CTNNA2: variants seen among roughly 807,000 people sequenced by gnomAD.
The protein encoded by CTNNA2 is catenin alpha-2.
A neutral mutation model predicts 101.0 loss-of-function variants in CTNNA2; 42 were observed. The ratio of observed to expected loss-of-function variants is 0.42; its 90% CI spans 0.32 to 0.54. CTNNA2 has a LOEUF of 0.54. Ranked by LOEUF, CTNNA2 falls within the 20% of genes least tolerant of loss-of-function variation. The probability of loss-of-function intolerance (pLI) is 0.14; values close to 1 mark genes in which losing one functional copy is unlikely to be tolerated. For synonymous variants in CTNNA2, 450 were observed against 456.4 expected, an observed-to-expected ratio of 0.99 and a Z score of 0.18; for missense variants, 871 against 1,223.1, an observed-to-expected ratio of 0.71 and a Z score of 4.29.
intron 7 of CTNNA2, among the ~76,000 whole-genome samples, chr2:80,213,826 C>G (rs1708070577): frequency 1.3e-5 from 2 of 152,024 alleles, no homozygotes; most frequent in South Asian, 4.2e-4. Context: ...TTAAAGTCTC[C>G]CATTATTATT....
At chr2:79,467,888 T>C (rs898635457) in intron 4 of CTNNA2, among the ~76,000 whole-genome samples, 9 of 152,060 alleles carry the variant, frequency 5.9e-5, no homozygotes, top group Non-Finnish European at 1.0e-4. Context: ...GCACTAAACA[T>C]GGAAAGGAAC....
chr2:79,247,124 A>T (rs1401774756), intron 2 of CTNNA2, among the ~76,000 whole-genome samples: 1 of 152,222 alleles, frequency 6.6e-6, no homozygotes, highest in East Asian at 1.9e-4. Flanking sequence ...CCACTTGTGG[A>T]TGTGGGAGGA....
intron 12 of CTNNA2, among the ~76,000 whole-genome samples, chr2:80,563,746 C>A (rs1323755837): frequency 6.6e-6 from 1 of 152,104 alleles, no homozygotes; most frequent in East Asian, 1.9e-4. Context: ...CAGTGAAGTC[C>A]CCTTTCTAAC....
intron 2 of CTNNA2, among the ~76,000 whole-genome samples, chr2:79,677,680 T>G (rs952681378): frequency 2.0e-5 from 3 of 152,194 alleles, no homozygotes; most frequent in African/African-American, 7.2e-5. Context: ...TTAAAGGAAC[T>G]TTGGAGATGA....
intron 3 of CTNNA2, among the ~76,000 whole-genome samples, chr2:79,845,907 TG>T (rs1680196106): frequency 6.6e-6 from 1 of 152,188 alleles, no homozygotes; most frequent in Admixed American, 6.5e-5. Context: ...GGTGGTGACG[TG>T]GGGACCTCCC....
chr2:80,174,005 T>G (rs1705239091), intron 7 of CTNNA2, among the ~76,000 whole-genome samples: 1 of 152,160 alleles, frequency 6.6e-6, no homozygotes, highest in South Asian at 2.1e-4. Flanking sequence ...AAGGATCCAT[T>G]CCACTATTGC....
chr2:79,384,938 A>C (rs10171522), intron 4 of CTNNA2, among the ~76,000 whole-genome samples: 57,449 of 152,074 alleles, frequency 0.38, 11,491 homozygotes, highest in Non-Finnish European at 0.45. Context: ...CAACATTAGT[A>C]CTAAAACAGG....
At chr2:80,395,661 T>C (rs1451162996) in intron 8 of CTNNA2, among the ~76,000 whole-genome samples, 4 of 152,218 alleles carry the variant, frequency 2.6e-5, no homozygotes, top group East Asian at 1.9e-4. Context: ...CCTGGGTCTC[T>C]GATAGCCCCT....
At chr2:79,911,125 G>A (rs1416364093) in intron 7 of CTNNA2, among the ~76,000 whole-genome samples, 6 of 152,112 alleles carry the variant, frequency 3.9e-5, no homozygotes, top group African/African-American at 9.7e-5. Context: ...TTTGATCCAT[G>A]GTATTACGTA....
chr2:79,945,914 C>G (rs537142350), intron 7 of CTNNA2, among the ~76,000 whole-genome samples: 1 of 152,040 alleles, frequency 6.6e-6, no homozygotes. Context: ...GCTGCACACA[C>G]GGTGCTATGG....
chr2:80,021,759 T>G (rs1435340923), intron 7 of CTNNA2, among the ~76,000 whole-genome samples: 1 of 152,130 alleles, frequency 6.6e-6, no homozygotes, highest in Non-Finnish European at 1.5e-5. Context: ...ACTCAGCAAT[T>G]TTCAAGTATA....
chr2:80,208,861 T>C (rs2149031325), intron 7 of CTNNA2, among the ~76,000 whole-genome samples: 2 of 152,290 alleles, frequency 1.3e-5, no homozygotes, highest in Admixed American at 1.3e-4. Context: ...GCCCCTGATG[T>C]TAATTGAAAT....
chr2:80,625,561 C>T (rs1368605166), intron 18 of CTNNA2, among the ~76,000 whole-genome samples: 5 of 151,978 alleles, frequency 3.3e-5, no homozygotes, highest in African/African-American at 1.2e-4. Flanking sequence ...ACTTAAATGT[C>T]ATTATATTTC....
chr2:79,243,030 G>A (rs961010315), intron 2 of CTNNA2, among the ~76,000 whole-genome samples: 3 of 70,722 alleles, frequency 4.2e-5, no homozygotes, highest in Admixed American at 1.5e-4. Context: ...ACACACACAC[G>A]TTAATATTCA....
intron 2 of CTNNA2, among the ~76,000 whole-genome samples, chr2:79,706,252 T>G (rs544047801): frequency 1.3e-5 from 2 of 150,780 alleles, no homozygotes; most frequent in Non-Finnish European, 3.0e-5. Context: ...AGTCCCAGCT[T>G]CTCGGGAGGC....
At chr2:79,651,803 T>C (rs1025086270) in intron 2 of CTNNA2, 145 bp downstream of exon 2, 8 of 678,896 alleles carry the variant, frequency 1.2e-5, no homozygotes, top group South Asian at 2.0e-5. Context: ...GCCTGAACTA[T>C]GGGCAATCTC....
At chr2:79,339,378 G>A (rs1677079058) in intron 3 of CTNNA2, among the ~76,000 whole-genome samples, 1 of 152,140 alleles carries the variant, frequency 6.6e-6, no homozygotes, top group Middle Eastern at 3.4e-3. Flanking sequence ...AACATCACAG[G>A]GTCAGTCAAT....
intron 9 of CTNNA2, among the ~76,000 whole-genome samples, chr2:80,435,470 A>G (rs2149433218): frequency 6.6e-6 from 1 of 152,306 alleles, no homozygotes; most frequent in South Asian, 2.1e-4. Flanking sequence ...AAGATGCCCT[A>G]GTATTCTGAA....
In CTNNA2 at chr2:80,094,065, C is replaced by A. The variant is rs568883029; in HGVS notation, c.1056+184268C>A. 3.4e-3 allele frequency among the ~76,000 whole-genome samples: 524 copies of A among 152,288 alleles called. 1 individual carries two copies. Among genetic ancestry groups the A allele is most frequent in the Non-Finnish European group, 5.7e-3 (391 of 68,034 alleles). On this transcript the variant is annotated intron_variant, in intron 7 of 18. Coordinates refer to ENST00000402739, the MANE Select transcript of CTNNA2 (RefSeq NM_001282597.3). ...TTGCCATTGCTTTTGGTGTTTTAGA[C>A]ATGAAGTCCTTGCCCATGCCTATGT...
Sources: gnomAD v4.1 joint callset for allele counts (sites outside exome capture counted in the v4.1 genomes callset) on GRCh38, gnomAD v4.1.1 for gene constraint, MANE v1.5 for transcripts, NCBI Gene and HGNC (gene_info 2026-07-23, HGNC 2026-07-21) for gene names.